The following SLC39A14 variants were observed in gnomAD, a reference collection of about 807,000 sequenced individuals.
SLC39A14 encodes the protein solute carrier family 39 member 14.
A neutral mutation model predicts 45.5 loss-of-function variants in SLC39A14; 19 were observed. That is an observed-to-expected ratio of 0.42 (90% confidence interval 0.29 to 0.61). The LOEUF (loss-of-function observed/expected upper bound fraction) is 0.61, where lower values mean the gene tolerates loss of function less well. Among genes scored for constraint, SLC39A14 ranks in the 20% least tolerant of loss-of-function variants. The pLI is 0.22. For synonymous variants in SLC39A14, 264 were observed against 251.3 expected (o/e 1.05, Z -0.48); for missense variants, 447 against 616.5 (o/e 0.73, Z 2.91).
At position 22,416,124 on chromosome 8, in the gene SLC39A14, T is replaced by G. The variant is rs766905431; in HGVS notation, c.991T>G (p.Ser331Ala). The G allele has an allele frequency of 1.9e-5, 30 of 1,614,132 alleles. No individual in the cohort carries two copies. The highest frequency in any genetic ancestry group is 2.5e-5 in the Non-Finnish European group (30 of 1,180,018). Residue 331 changes from serine (S) to alanine (A), a missense_variant, in exon 7 of 9, where the codon TCT becomes GCT. Ser to Ala is a moderately conservative substitution (Grantham distance 99, BLOSUM62 1). Coordinates refer to ENST00000381237, the MANE Select transcript of SLC39A14 (RefSeq NM_001128431.4). ...CTACTGGCTGAAAGGTGTCCGCTAC[T>G]CTGATATCGGCACTCTGGCCTGGAT... ...ACYWLKGVRY[S>A]DIGTLAWMIT...
Position 22,419,899 on chromosome 8 carries a change from C to G in SLC39A14, c.*201C>G, listed in dbSNP as rs545264481. The stretch of plus-strand genomic sequence containing the variant: ...AGCTGCCCTGGTAACCAGTCTCTAG[C>G]TAGTGCCTCTTGCCCTCTCCTCACC... On this transcript the variant is annotated 3_prime_UTR_variant, in exon 9 of 9. Transcript: ENST00000381237. The G allele has an allele frequency of 4.6e-6, 6 of 1,292,076 alleles. No homozygotes were observed. In the South Asian group the frequency reaches 1.1e-4, roughly 23 times the overall value. The allele number at this position is 1,292,076 out of a possible 1,614,324, so 80.0% of individuals were successfully genotyped here. A position where few individuals can be genotyped will look rare whatever the true frequency, so the allele number is the denominator to read the frequency against.
At chr8:22,433,754 G>A (rs935781141) in intron 8 of SLC39A14, 7 of 180,152 alleles carry the variant, frequency 3.9e-5, no homozygotes, top group Admixed American at 6.4e-5. Flanking sequence ...TAGAGACGCG[G>A]TTTCACCATA....
intron 1 of SLC39A14, among the ~76,000 whole-genome samples, chr8:22,403,335 A>G (rs1393275545): frequency 6.6e-6 from 1 of 150,486 alleles, no homozygotes; most frequent in Non-Finnish European, 1.5e-5. Flanking sequence ...GCTGGAGTGC[A>G]ATGGCGCGAT....
intron 1 of SLC39A14, among the ~76,000 whole-genome samples, chr8:22,374,671 T>C (rs1833114614): frequency 6.6e-6 from 1 of 151,340 alleles, no homozygotes; most frequent in Non-Finnish European, 1.5e-5. Flanking sequence ...CTCTTGGAAC[T>C]CAGAGCTGTT....
intron 1 of SLC39A14, among the ~76,000 whole-genome samples, chr8:22,394,510 G>C (rs1057041793): frequency 6.6e-6 from 1 of 151,404 alleles, no homozygotes; most frequent in Non-Finnish European, 1.5e-5. Context: ...TAGTAGAGAC[G>C]GGGTTTCATC....
chr8:22,415,967 C>T lies in SLC39A14; in HGVS notation c.939+10C>T. ...CTCGCTCTCTGTGCAGGTCAGTGGG[C>T]CACCAGCTGCTTGGTGGAGCCTCTA... On this transcript the variant is annotated intron_variant, in intron 6 of 8. Transcript: ENST00000381237. 1 of 1,599,698 alleles carries T rather than the reference C, an allele frequency of 6.3e-7. No homozygotes were observed. Among genetic ancestry groups the T allele is most frequent in the African/African-American group, 1.3e-5 (1 of 74,510 alleles).
Position 22,398,019 on chromosome 8 carries a change from C to T in SLC39A14, c.-15-6677C>T, listed in dbSNP as rs192906684. ...CTGTCCCTGAGGAATATGTGAGAAC[C>T]AGACGGCTCATTTTACGTCCTTTGA... On this transcript the variant is annotated intron_variant, in intron 1 of 8. Coordinates refer to ENST00000381237, the MANE Select transcript of SLC39A14 (RefSeq NM_001128431.4). 1.7e-3 allele frequency among the ~76,000 whole-genome samples: 259 copies of T among 152,284 alleles called. 3 individuals carry two copies. Among genetic ancestry groups the T allele is most frequent in the Non-Finnish European group, 2.7e-3 (187 of 68,034 alleles).
chr8:22,403,893 G>A (rs1030383739), intron 1 of SLC39A14, among the ~76,000 whole-genome samples: 2 of 149,572 alleles, frequency 1.3e-5, no homozygotes, highest in African/African-American at 5.0e-5. Flanking sequence ...ACTTTAGCCT[G>A]GGAGACAGAA....
chr8:22,429,847 G>A (rs1024492487), intron 8 of SLC39A14, among the ~76,000 whole-genome samples: 1 of 152,218 alleles, frequency 6.6e-6, no homozygotes, highest in African/African-American at 2.4e-5. Flanking sequence ...AATTAACACG[G>A]GGGAGTGAGG....
Position 22,422,064 on chromosome 8 carries a change from CAATTTCT to C in SLC39A14, c.*2367_*2373del. 1.0e-6 allele frequency: 1 copy of C among 985,378 alleles called. No individual in the cohort carries two copies. The highest frequency in any genetic ancestry group is 1.2e-6 in the Non-Finnish European group (1 of 829,916). 61.0% of individuals were successfully genotyped at this position (985,378 alleles called of 1,614,324 possible). A position where few individuals can be genotyped will look rare whatever the true frequency, so the allele number is the denominator to read the frequency against. ...CTTTGCCTCATGAGTCAAAAATTGG[CAATTTCT>C]TTTGATTTTTAGTTGTTGAATTTGC... On this transcript the variant is annotated 3_prime_UTR_variant, in exon 9 of 9. Coordinates refer to ENST00000381237, the MANE Select transcript of SLC39A14 (RefSeq NM_001128431.4).
chr8:22,432,060 G>A (rs1030248755), intron 8 of SLC39A14, among the ~76,000 whole-genome samples: 1 of 152,214 alleles, frequency 6.6e-6, no homozygotes, highest in Non-Finnish European at 1.5e-5. Flanking sequence ...AGCCGGCACG[G>A]TGCCTCATGC....
intron 4 of SLC39A14, among the ~76,000 whole-genome samples, chr8:22,412,933 C>T (rs1389089626): frequency 2.6e-5 from 4 of 152,116 alleles, no homozygotes; most frequent in South Asian, 2.1e-4. Flanking sequence ...AGTGAGACTC[C>T]GTCTCAAAAC....
chr8:22,381,776 CAT>C (rs768809074), intron 1 of SLC39A14, among the ~76,000 whole-genome samples: 13 of 152,186 alleles, frequency 8.5e-5, no homozygotes, highest in Admixed American at 4.6e-4. Flanking sequence ...ATATTTGTAA[CAT>C]GTGACAAAAG....
chr8:22,429,289 A>C (rs1836433857), intron 8 of SLC39A14, among the ~76,000 whole-genome samples: 1 of 152,164 alleles, frequency 6.6e-6, no homozygotes, highest in Non-Finnish European at 1.5e-5. Flanking sequence ...AACAAACAAA[A>C]AAAGAACACA....
At chr8:22,394,190 A>G (rs1834241494) in intron 1 of SLC39A14, among the ~76,000 whole-genome samples, 1 of 151,638 alleles carries the variant, frequency 6.6e-6, no homozygotes, top group Admixed American at 6.6e-5. Flanking sequence ...TATTTTTAGT[A>G]GAAGCGGGGT....
intron 1 of SLC39A14, among the ~76,000 whole-genome samples, chr8:22,387,066 G>A (rs573857938): frequency 2.0e-5 from 3 of 152,064 alleles, no homozygotes; most frequent in East Asian, 3.9e-4. Flanking sequence ...CTAGCTGCCC[G>A]TGAGGCTGAG....
chr8:22,373,960 A>C (rs976044668), intron 1 of SLC39A14, among the ~76,000 whole-genome samples: 1 of 152,190 alleles, frequency 6.6e-6, no homozygotes. Context: ...GGGTTTCGCC[A>C]TGGTGGCCAG....
intron 1 of SLC39A14, among the ~76,000 whole-genome samples, chr8:22,397,764 A>T (rs922970645): frequency 2.0e-5 from 3 of 152,180 alleles, no homozygotes; most frequent in African/African-American, 7.2e-5. Flanking sequence ...GTTATCTGCT[A>T]GCTGGAGATA....
chr8:22,399,785 A>T (rs1289521708), intron 1 of SLC39A14, among the ~76,000 whole-genome samples: 2 of 152,270 alleles, frequency 1.3e-5, no homozygotes, highest in Non-Finnish European at 2.9e-5. Context: ...TGCTTCGTAG[A>T]TGCTCACCTC....
Sources: gnomAD v4.1 joint callset for allele counts (sites outside exome capture counted in the v4.1 genomes callset) on GRCh38, gnomAD v4.1.1 for gene constraint, MANE v1.5 for transcripts, NCBI Gene and HGNC (gene_info 2026-07-23, HGNC 2026-07-21) for gene names.